CTNND2: variants seen among roughly 807,000 people sequenced by gnomAD.
CTNND2 encodes the protein catenin delta-2.
CTNND2 carries 22 observed loss-of-function variants against 144.4 expected under a neutral mutation model. The observed-to-expected ratio is 0.15, with a 90% CI of 0.11 to 0.22. The LOEUF is 0.22. Among genes scored for constraint, CTNND2 ranks in the 10% least tolerant of loss-of-function variants. The pLI, the probability that CTNND2 is intolerant of heterozygous loss-of-function variation, is 1.00. For synonymous variants in CTNND2, 751 were observed against 695.6 expected (o/e 1.08, Z -1.25); for missense variants, 1,353 against 1,618.8 (o/e 0.84, Z 2.82).
At position 11,354,579 on chromosome 5, in the gene CTNND2, C is replaced by T. The variant is rs146360723; in HGVS notation, c.1373-7952G>A. On this transcript the variant is annotated intron_variant, in intron 8 of 21. Coordinates refer to ENST00000304623, the MANE Select transcript of CTNND2 (RefSeq NM_001332.4). The stretch of plus-strand genomic sequence containing the variant: ...TGCAACATTTCTGAGAACATTTCCA[C>T]GAACAGTCATATAAATAAATTTTAG... Among the ~76,000 whole-genome samples the T allele has an allele frequency of 1.4e-3, 220 of 152,072 alleles. 1 individual carries two copies. Among genetic ancestry groups the T allele is most frequent in the African/African-American group, 5.1e-3 (213 of 41,474 alleles).
At chr5:11,557,410 C>G (rs1581490566) in intron 3 of CTNND2, among the ~76,000 whole-genome samples, 1 of 152,122 alleles carries the variant, frequency 6.6e-6, no homozygotes, top group South Asian at 2.1e-4. Context: ...GAATTCAATT[C>G]TTTGGGCCAT....
intron 2 of CTNND2, among the ~76,000 whole-genome samples, chr5:11,629,933 A>T (rs1011603910): frequency 6.6e-6 from 1 of 152,198 alleles, no homozygotes; most frequent in African/African-American, 2.4e-5. Context: ...AATTAATTGA[A>T]ACTTAAAATG....
chr5:11,491,724 G>A (rs904784649), intron 3 of CTNND2, among the ~76,000 whole-genome samples: 2 of 152,176 alleles, frequency 1.3e-5, no homozygotes, highest in Non-Finnish European at 1.5e-5. Flanking sequence ...CTGGTTCCTC[G>A]TCGGTGAGTG....
chr5:11,903,633 A>T lies in CTNND2; in HGVS notation c.37+184T>A, dbSNP rs903493207. Among the ~76,000 whole-genome samples the T allele has an allele frequency of 3.9e-5, 6 of 152,148 alleles. No homozygotes were observed. Among genetic ancestry groups the T allele is most frequent in the African/African-American group, 1.4e-4 (6 of 41,446 alleles). ...TAACCCCGGACCCCCTTCCAGGCACAGCGGCTTCCGAGGGGGACCTGGCGC... is the reference window on the plus strand; with the variant it reads ...TAACCCCGGACCCCCTTCCAGGCACTGCGGCTTCCGAGGGGGACCTGGCGC... On this transcript the variant is annotated intron_variant, in intron 1 of 21. Transcript: ENST00000304623. The surrounding 1 kb of genome is among the most constrained non-coding windows in gnomAD (Gnocchi z 5.4).
At chr5:11,211,278 G>A (rs1678840097) in intron 10 of CTNND2, among the ~76,000 whole-genome samples, 1 of 152,152 alleles carries the variant, frequency 6.6e-6, no homozygotes, top group Admixed American at 6.5e-5. Context: ...CAGTGGGGCT[G>A]GGGGAGGCGA....
intron 3 of CTNND2, among the ~76,000 whole-genome samples, chr5:11,536,472 G>C (rs1170985189): frequency 6.6e-6 from 1 of 152,116 alleles, no homozygotes; most frequent in Non-Finnish European, 1.5e-5. Context: ...TATGAAACCA[G>C]CCCAAATGCC....
chr5:11,798,790 T>A (rs1027118383), intron 1 of CTNND2, among the ~76,000 whole-genome samples: 1 of 152,138 alleles, frequency 6.6e-6, no homozygotes, highest in Non-Finnish European at 1.5e-5. Flanking sequence ...AGGATTTATA[T>A]GGTTGCATTT....
At chr5:11,152,375 A>G (rs1757818562) in intron 12 of CTNND2, among the ~76,000 whole-genome samples, 1 of 152,230 alleles carries the variant, frequency 6.6e-6, no homozygotes, top group African/African-American at 2.4e-5. Flanking sequence ...TGTCTGCAGT[A>G]TTCAGGACAG....
rs924729449 is a variant in CTNND2 at position 11,762,091 on chromosome 5, T to C, written c.38-29819A>G. Among the ~76,000 whole-genome samples, 59 of 152,188 alleles carry C rather than the reference T, an allele frequency of 3.9e-4. 1 individual carries two copies. The highest frequency in any genetic ancestry group is 7.3e-5 in the Non-Finnish European group (5 of 68,034). ...AAATGCACCTTTAAATACAAAAATA[T>C]GCTTACTGATATAACTGGATGAAAT... On this transcript the variant is annotated intron_variant, in intron 1 of 21. Coordinates refer to ENST00000304623, the MANE Select transcript of CTNND2 (RefSeq NM_001332.4).
chr5:11,888,215 A>C (rs914998088), intron 1 of CTNND2, among the ~76,000 whole-genome samples: 1 of 152,246 alleles, frequency 6.6e-6, no homozygotes, highest in African/African-American at 2.4e-5. Flanking sequence ...TGTAAACATT[A>C]GAACATTACA....
At chr5:11,543,090 C>T (rs915495318) in intron 3 of CTNND2, among the ~76,000 whole-genome samples, 6 of 152,226 alleles carry the variant, frequency 3.9e-5, no homozygotes, top group African/African-American at 1.4e-4. Flanking sequence ...ATCTATGTGA[C>T]TGCTCAATCA....
chr5:11,101,887 ATGTGTG>A (rs201704440), intron 14 of CTNND2, among the ~76,000 whole-genome samples: 381 of 145,284 alleles, frequency 2.6e-3, no homozygotes, highest in South Asian at 0.011. Context: ...ACGACCACAT[ATGTGTG>A]TGTGTGTGTG....
intron 9 of CTNND2, among the ~76,000 whole-genome samples, chr5:11,248,402 T>A (rs1340598246): frequency 6.6e-6 from 1 of 151,996 alleles, no homozygotes; most frequent in African/African-American, 2.4e-5. Flanking sequence ...TCTGTGTGTA[T>A]AATATATAGT....
rs923929591 is a variant in CTNND2 at position 11,450,886 on chromosome 5, G to A, written c.288-38817C>T. Reference sequence around the variant, plus strand: ...GCACTCCAGCTTGGGCAACAACAGCGAAACTCCATCTCAAAAAAAAAAAAA... The same window carrying A: ...GCACTCCAGCTTGGGCAACAACAGCAAAACTCCATCTCAAAAAAAAAAAAA... On this transcript the variant is annotated intron_variant, in intron 3 of 21. Coordinates refer to ENST00000304623, the MANE Select transcript of CTNND2 (RefSeq NM_001332.4). 2.1e-4 allele frequency among the ~76,000 whole-genome samples: 19 copies of A among 90,914 alleles called. No individual in the cohort carries two copies. The South Asian group carries it at 5.7e-3, about 27-fold the overall frequency. The allele number at this position is 90,914 out of a possible 152,430, so 59.6% of individuals were successfully genotyped here.
intron 16 of CTNND2, among the ~76,000 whole-genome samples, chr5:11,036,833 T>C (rs548883955): frequency 6.6e-6 from 1 of 152,354 alleles, no homozygotes; most frequent in African/African-American, 2.4e-5. Flanking sequence ...GTTCAGCATT[T>C]CGTAGATTTT....
chr5:11,587,188 T>C (rs1054391334), intron 2 of CTNND2, among the ~76,000 whole-genome samples: 1 of 152,158 alleles, frequency 6.6e-6, no homozygotes, highest in African/African-American at 2.4e-5. Context: ...CATTTACTTT[T>C]ATAGTTCAGC....
chr5:11,281,640 T>C (rs1212962423), intron 9 of CTNND2, among the ~76,000 whole-genome samples: 1 of 152,222 alleles, frequency 6.6e-6, no homozygotes, highest in Non-Finnish European at 1.5e-5. Flanking sequence ...GATCACAGTG[T>C]CAACAGATTG....
chr5:11,594,029 A>G (rs1779384840), intron 2 of CTNND2, among the ~76,000 whole-genome samples: 1 of 152,228 alleles, frequency 6.6e-6, no homozygotes, highest in South Asian at 2.1e-4. Context: ...AAAATTCTTG[A>G]TAAACATACT....
intron 3 of CTNND2, among the ~76,000 whole-genome samples, chr5:11,517,129 G>A (rs933403960): frequency 2.0e-5 from 3 of 152,110 alleles, no homozygotes; most frequent in East Asian, 1.9e-4. Context: ...TGTTCCACAC[G>A]TGATATGTGA....
Sources: allele counts gnomAD v4.1 joint callset (sites outside exome capture counted in the v4.1 genomes callset), GRCh38; gene constraint gnomAD v4.1.1; non-coding constraint Gnocchi (gnomAD v3.1); transcripts MANE v1.5; gene names NCBI Gene and HGNC (gene_info 2026-07-23, HGNC 2026-07-21).